The following MAP2 variants were observed in gnomAD, a reference collection of about 807,000 sequenced individuals.
MAP2 encodes microtubule-associated protein 2.
MAP2 carries 14 observed loss-of-function variants against 137.6 expected under a neutral mutation model. The ratio of observed to expected loss-of-function variants is 0.10; its 90% CI spans 0.07 to 0.16. The LOEUF (loss-of-function observed/expected upper bound fraction) is 0.16. MAP2 is among the 10% of genes least tolerant of loss of function. MAP2 has a pLI of 1.00. For synonymous variants in MAP2, 786 were observed against 782.3 expected (o/e 1.00, Z -0.08); for missense variants, 2,088 against 2,191.5 (o/e 0.95, Z 0.94).
chr2:209,543,797 A>G (rs2067470359), intron 2 of MAP2, among the ~76,000 whole-genome samples: 1 of 152,230 alleles, frequency 6.6e-6, no homozygotes, highest in Non-Finnish European at 1.5e-5. Context: ...AAAAACCAGC[A>G]TTGAAATTTT....
intron 2 of MAP2, among the ~76,000 whole-genome samples, chr2:209,547,108 A>T (rs1276344126): frequency 6.6e-6 from 1 of 152,160 alleles, no homozygotes; most frequent in Non-Finnish European, 1.5e-5. Flanking sequence ...TTTATTATAG[A>T]TACCATAAAC....
chr2:209,500,970 C>T (rs1226036603), intron 1 of MAP2, among the ~76,000 whole-genome samples: 6 of 140,462 alleles, frequency 4.3e-5, no homozygotes, highest in African/African-American at 8.0e-5. Context: ...CTGGGGAGGT[C>T]GAGACTGGAG....
intron 2 of MAP2, among the ~76,000 whole-genome samples, chr2:209,508,279 GA>G (rs35275455): frequency 0.061 from 8,690 of 142,222 alleles, 281 homozygotes; most frequent in South Asian, 0.099. Flanking sequence ...TATTCAGATT[GA>G]AAAAAAAAAC....
At position 209,507,658 on chromosome 2, in the gene MAP2, T is replaced by A. The variant is rs1348017727; in HGVS notation, c.-172+17T>A. On this transcript the variant is annotated intron_variant, in intron 2 of 15. Transcript: ENST00000682079. The stretch of plus-strand genomic sequence containing the variant: ...GGAATTAAGGTCAGTACTATATTTG[T>A]GTCAATCATGAATAAACTGTGAAAT... The A allele has an allele frequency of 6.6e-6, 1 of 152,166 alleles. No homozygotes were observed. The highest frequency in any genetic ancestry group is 1.9e-4 in the East Asian group (1 of 5,188). 9.4% of individuals were successfully genotyped at this position (152,166 alleles called of 1,614,324 possible). A position where few individuals can be genotyped will look rare whatever the true frequency, so the allele number is the denominator to read the frequency against.
chr2:209,531,821 T>C (rs947889175), intron 2 of MAP2, among the ~76,000 whole-genome samples: 2 of 152,190 alleles, frequency 1.3e-5, no homozygotes, highest in South Asian at 4.1e-4. Flanking sequence ...ATTAGGGTGC[T>C]CTTATGCAAC....
In MAP2 at chr2:209,432,914, A is replaced by T. The variant is rs539496897; in HGVS notation, c.-222+8638A>T. 1.7e-3 allele frequency among the ~76,000 whole-genome samples: 260 copies of T among 152,284 alleles called. 2 individuals are homozygous for T. The highest frequency in any genetic ancestry group is 0.01 in the Middle Eastern group (3 of 294). On this transcript the variant is annotated intron_variant, in intron 1 of 15. Coordinates refer to ENST00000682079, the MANE Select transcript of MAP2 (RefSeq NM_001375505.1). Reference sequence around the variant, plus strand: ...TATTTGGTGGTCTGAAATTTAAATAATCTGTAAAGAATTAAGATAATGCCT... The same window carrying T: ...TATTTGGTGGTCTGAAATTTAAATATTCTGTAAAGAATTAAGATAATGCCT...
intron 1 of MAP2, among the ~76,000 whole-genome samples, chr2:209,476,876 AT>A (rs1434823902): frequency 6.6e-6 from 1 of 152,134 alleles, no homozygotes; most frequent in Non-Finnish European, 1.5e-5. Context: ...ATAAAAACAG[AT>A]TTTTTTATTC....
At chr2:209,498,337 G>T (rs2059993330) in intron 1 of MAP2, among the ~76,000 whole-genome samples, 1 of 152,210 alleles carries the variant, frequency 6.6e-6, no homozygotes, top group South Asian at 2.1e-4. Flanking sequence ...GCTTTGCAGG[G>T]TGCATCCTCC....
intron 1 of MAP2, among the ~76,000 whole-genome samples, chr2:209,491,359 T>G (rs539839201): frequency 3.3e-5 from 5 of 152,132 alleles, no homozygotes; most frequent in South Asian, 2.1e-4. Flanking sequence ...GATCTAAAAT[T>G]GACATCCTAA....
intron 1 of MAP2, among the ~76,000 whole-genome samples, chr2:209,496,731 C>T (rs533179639): frequency 1.6e-4 from 25 of 152,278 alleles, no homozygotes; most frequent in African/African-American, 5.8e-4. Flanking sequence ...GTCTGTTTTT[C>T]TTACACTCTC....
At chr2:209,576,225 G>C (rs2075348183) in intron 2 of MAP2, among the ~76,000 whole-genome samples, 1 of 152,000 alleles carries the variant, frequency 6.6e-6, no homozygotes. Context: ...TGTGAAGTTA[G>C]GTTTCTGCTA....
intron 1 of MAP2, among the ~76,000 whole-genome samples, chr2:209,471,938 C>A (rs1705830546): frequency 6.6e-6 from 1 of 151,888 alleles, no homozygotes; most frequent in Non-Finnish European, 1.5e-5. Context: ...ATAAATAAAT[C>A]AAATTTTATG....
At chr2:209,439,546 A>G (rs1016867748) in intron 1 of MAP2, among the ~76,000 whole-genome samples, 3 of 151,444 alleles carry the variant, frequency 2.0e-5, no homozygotes, top group African/African-American at 7.3e-5. Flanking sequence ...TTTGCTTCAC[A>G]TCTAGGAATC....
At chr2:209,600,512 C>T (rs933502728) in intron 3 of MAP2, among the ~76,000 whole-genome samples, 12 of 152,214 alleles carry the variant, frequency 7.9e-5, no homozygotes, top group African/African-American at 2.7e-4. Flanking sequence ...TGTCTACCAT[C>T]AGCACATATT....
chr2:209,645,561 C>T (rs1441863845), intron 4 of MAP2, among the ~76,000 whole-genome samples: 1 of 152,114 alleles, frequency 6.6e-6, no homozygotes, highest in Admixed American at 6.5e-5. Context: ...TTTTATGAGA[C>T]ATTTTGTGTG....
chr2:209,536,479 T>C (rs1253675987), intron 2 of MAP2, among the ~76,000 whole-genome samples: 1 of 152,212 alleles, frequency 6.6e-6, no homozygotes, highest in Non-Finnish European at 1.5e-5. Flanking sequence ...CACAGCAGTC[T>C]TCCAAACAAA....
intron 3 of MAP2, among the ~76,000 whole-genome samples, chr2:209,598,892 A>C (rs10932303): frequency 0.99 from 145,862 of 147,174 alleles, 72,291 homozygotes; most frequent in South Asian, 1. Flanking sequence ...ATTGTGAATA[A>C]TGCCGCAATA....
chr2:209,520,400 AT>A (rs1267774527), intron 2 of MAP2, among the ~76,000 whole-genome samples: 6 of 152,014 alleles, frequency 3.9e-5, no homozygotes, highest in South Asian at 2.1e-4. Context: ...TAAAATGCAT[AT>A]TTTTTTGTGT....
At chr2:209,462,303 T>C (rs1260989296) in intron 1 of MAP2, among the ~76,000 whole-genome samples, 1 of 151,810 alleles carries the variant, frequency 6.6e-6, no homozygotes, top group African/African-American at 2.4e-5. Flanking sequence ...ATAAAGGAGG[T>C]AAAAACAGGC....
Sources: allele counts gnomAD v4.1 joint callset (sites outside exome capture counted in the v4.1 genomes callset), GRCh38; gene constraint gnomAD v4.1.1; transcripts MANE v1.5; gene names NCBI Gene and HGNC (gene_info 2026-07-23, HGNC 2026-07-21).